Variants in TBC1D5 observed in about 807,000 individuals in gnomAD.
The protein encoded by TBC1D5 is TBC1 domain family member 5.
A neutral mutation model predicts 100.3 loss-of-function variants in TBC1D5; 75 were observed. That is an observed-to-expected ratio of 0.75 (90% CI 0.62 to 0.91). The LOEUF is 0.91. Ranked by LOEUF, TBC1D5 falls within the 40% of genes least tolerant of loss-of-function variation. The pLI, the probability that TBC1D5 is intolerant of heterozygous loss-of-function variation, is 0.00. For synonymous variants in TBC1D5, 323 were observed against 325.6 expected, an observed-to-expected ratio of 0.99 and a Z score of 0.09; for missense variants, 910 against 942.4, an observed-to-expected ratio of 0.97 and a Z score of 0.45.
intron 1 of TBC1D5, among the ~76,000 whole-genome samples, chr3:17,727,957 C>G (rs1577845262): frequency 6.6e-6 from 1 of 152,246 alleles, no homozygotes; most frequent in East Asian, 1.9e-4. Context: ...AATGTTCACT[C>G]TAAGAACATA....
At chr3:17,653,593 A>T (rs1409875493) in intron 1 of TBC1D5, among the ~76,000 whole-genome samples, 1 of 152,164 alleles carries the variant, frequency 6.6e-6, no homozygotes. Context: ...AGGAGACATA[A>T]CAACTAAATG....
intron 18 of TBC1D5, among the ~76,000 whole-genome samples, chr3:17,209,785 C>A (rs764645743): frequency 1.1e-4 from 17 of 152,264 alleles, no homozygotes; most frequent in Middle Eastern, 3.4e-3. Context: ...CAAACTCATG[C>A]CTAGTTGTAT....
At chr3:17,643,680 T>A (rs2064748853) in intron 1 of TBC1D5, among the ~76,000 whole-genome samples, 1 of 152,126 alleles carries the variant, frequency 6.6e-6, no homozygotes, top group Non-Finnish European at 1.5e-5. Flanking sequence ...TGGACAACAG[T>A]ATTTCATATT....
At chr3:17,476,971 AG>A (rs2095445090) in intron 3 of TBC1D5, among the ~76,000 whole-genome samples, 1 of 151,970 alleles carries the variant, frequency 6.6e-6, no homozygotes, top group Admixed American at 6.6e-5. Flanking sequence ...ATTTATGTGT[AG>A]ATTTTTATTT....
intron 13 of TBC1D5, among the ~76,000 whole-genome samples, chr3:17,365,319 G>A (rs73145894): frequency 0.09 from 13,708 of 152,110 alleles, 1,418 homozygotes; most frequent in African/African-American, 0.26. Flanking sequence ...TAGTGCATGC[G>A]TAACTCAGCA....
At position 17,413,873 on chromosome 3, in the gene TBC1D5, T is replaced by C. The variant is rs1218756758; in HGVS notation, c.168-7347A>G. ...CAATAATAGCAAAGAGTTCAGGGCCTACATACAGTTTAAGACTGAAGATCT... is the reference window on the plus strand; with the variant it reads ...CAATAATAGCAAAGAGTTCAGGGCCCACATACAGTTTAAGACTGAAGATCT... On this transcript the variant is annotated intron_variant, in intron 4 of 21. Coordinates refer to ENST00000253692, the Ensembl canonical transcript of TBC1D5. 2.6e-5 allele frequency among the ~76,000 whole-genome samples: 4 copies of C among 152,210 alleles called. 1 individual carries two copies. The South Asian group carries it at 8.3e-4, about 31-fold the overall frequency.
At chr3:17,705,093 C>T (rs1251409836) in intron 1 of TBC1D5, among the ~76,000 whole-genome samples, 4 of 103,816 alleles carry the variant, frequency 3.9e-5, no homozygotes, top group East Asian at 3.6e-4. Context: ...GCTGGCCAGG[C>T]GGGGGGCTGA....
intron 1 of TBC1D5, among the ~76,000 whole-genome samples, chr3:17,693,685 T>G (rs1241766942): frequency 3.3e-5 from 5 of 152,152 alleles, no homozygotes; most frequent in Admixed American, 3.3e-4. Context: ...AGACAACTTC[T>G]GCAGATTTAA....
At chr3:17,627,670 T>G (rs1031863954) in intron 1 of TBC1D5, among the ~76,000 whole-genome samples, 3 of 151,142 alleles carry the variant, frequency 2.0e-5, no homozygotes, top group Non-Finnish European at 4.4e-5. Context: ...GTTTTTTTTT[T>G]TGAGAGAGAG....
chr3:17,706,533 G>C (rs1254977638), intron 1 of TBC1D5, among the ~76,000 whole-genome samples: 3 of 151,960 alleles, frequency 2.0e-5, no homozygotes, highest in Non-Finnish European at 4.4e-5. Context: ...CTGTATTATA[G>C]AAGTATAATC....
chr3:17,514,137 C>CT (rs2095951306), intron 2 of TBC1D5, among the ~76,000 whole-genome samples: 1 of 152,104 alleles, frequency 6.6e-6, no homozygotes, highest in Admixed American at 6.5e-5. Flanking sequence ...TTACATTGGA[C>CT]TTTAAGTTAA....
intron 2 of TBC1D5, among the ~76,000 whole-genome samples, chr3:17,509,661 G>T (rs1344311019): frequency 6.6e-6 from 1 of 151,944 alleles, no homozygotes; most frequent in Non-Finnish European, 1.5e-5. Flanking sequence ...TAAGTATTAA[G>T]AGTATTAAAC....
In TBC1D5 at chr3:17,713,797, G is replaced by A. The variant is rs114776594; in HGVS notation, c.-101+25546C>T. 3.1e-3 allele frequency among the ~76,000 whole-genome samples: 465 copies of A among 152,270 alleles called. 4 individuals are homozygous for A. The highest frequency in any genetic ancestry group is 0.011 in the African/African-American group (441 of 41,548). On this transcript the variant is annotated intron_variant, in intron 1 of 21. Transcript: ENST00000253692. ...CATGAAAACATGCTCAACATCATTA[G>A]TCATCATGGAAATGCAAATCAAAAC... is the stretch of plus-strand genomic sequence containing the variant.
At chr3:17,728,867 AG>A (rs2076326460) in intron 1 of TBC1D5, among the ~76,000 whole-genome samples, 1 of 151,934 alleles carries the variant, frequency 6.6e-6, no homozygotes, top group Non-Finnish European at 1.5e-5. Context: ...AAACAAAAAG[AG>A]TAATATATGA....
chr3:17,352,691 A>AAAAAAC (rs1553700521), intron 13 of TBC1D5, among the ~76,000 whole-genome samples: 20 of 149,412 alleles, frequency 1.3e-4, no homozygotes, highest in African/African-American at 4.4e-4. Context: ...GGCAAAAAAA[A>AAAAAAC]AAAAAAAACA....
At chr3:17,604,605 C>T (rs997245318) in intron 2 of TBC1D5, among the ~76,000 whole-genome samples, 5 of 152,090 alleles carry the variant, frequency 3.3e-5, no homozygotes, top group Admixed American at 6.6e-5. Flanking sequence ...TTCAGCTGTA[C>T]GTAATTAAGA....
At chr3:17,197,972 G>C (rs2070938162) in intron 18 of TBC1D5, among the ~76,000 whole-genome samples, 1 of 152,184 alleles carries the variant, frequency 6.6e-6, no homozygotes, top group Admixed American at 6.5e-5. Flanking sequence ...AGGAGGTGGA[G>C]GTTGCAGGGA....
chr3:17,621,204 T>C (rs1039057655), intron 2 of TBC1D5, among the ~76,000 whole-genome samples: 1 of 152,218 alleles, frequency 6.6e-6, no homozygotes, highest in African/African-American at 2.4e-5. Context: ...CAGATGTATG[T>C]GTCCATGTAT....
chr3:17,648,229 T>C (rs891994369), intron 1 of TBC1D5, among the ~76,000 whole-genome samples: 1 of 151,944 alleles, frequency 6.6e-6, no homozygotes, highest in African/African-American at 2.4e-5. Flanking sequence ...AAGCAATGGG[T>C]AAAAGACTCT....
Sources: gnomAD v4.1 joint callset for allele counts (sites outside exome capture counted in the v4.1 genomes callset) on GRCh38, gnomAD v4.1.1 for gene constraint, MANE v1.5 for transcripts, NCBI Gene and HGNC (gene_info 2026-07-23, HGNC 2026-07-21) for gene names.